The following NHS variants were observed in gnomAD, a reference collection of about 807,000 sequenced individuals.
NHS encodes NHS actin remodeling regulator, also known as actin remodeling regulator NHS.
A neutral mutation model predicts 72.5 loss-of-function variants in NHS; 5 were observed. That is an observed-to-expected ratio of 0.07 (90% CI 0.04 to 0.14). The LOEUF is 0.14. Among genes scored for constraint, NHS ranks in the 10% least tolerant of loss-of-function variants. The pLI is 1.00. For missense variants in NHS, 1,072 were observed against 1,355.7 expected, an observed-to-expected ratio of 0.79 and a Z score of 3.29; for synonymous variants, 464 against 547.7, an observed-to-expected ratio of 0.85 and a Z score of 2.13.
chrX:17,436,401 G>A (rs886283074), intron 1 of NHS, among the ~76,000 whole-genome samples: 2 of 110,532 alleles, frequency 1.8e-5, no homozygotes, highest in African/African-American at 6.6e-5. Context: ...GAGCTCTGTC[G>A]TCTCATGGGG....
intron 1 of NHS, among the ~76,000 whole-genome samples, chrX:17,380,294 A>T (rs1250981531): frequency 1.8e-5 from 2 of 110,666 alleles, no homozygotes; most frequent in African/African-American, 6.6e-5. Flanking sequence ...GTGCCATTTC[A>T]TTGGAGGGGT....
At chrX:17,536,087 G>T (rs2065221640) in intron 1 of NHS, among the ~76,000 whole-genome samples, 1 of 111,953 alleles carries the variant, frequency 8.9e-6, no homozygotes, top group African/African-American at 3.2e-5. Context: ...TGGGCGCAGT[G>T]GCTCACGCCT....
Position 17,727,869 on chromosome X carries a change from A to C in NHS, c.3763A>C (p.Thr1255Pro), listed in dbSNP as rs1223953904. 3.3e-6 allele frequency: 4 copies of C among 1,210,267 alleles called. No homozygotes were observed. The highest frequency in any genetic ancestry group is 3.0e-5 in the East Asian group (1 of 33,784). ...CACAAAAGACCAAGTGCGTACAGAG[A>C]CTGAGCCTATTCCAGAAAACACGCC... ...NVTKDQVRTE[T>P]EPIPENTPTK... The change falls in exon 7 of 9, where the codon ACT becomes CCT. Residue 1255 changes from threonine to proline, a missense_variant. By Grantham distance (38) the Thr-to-Pro change is conservative. Transcript: ENST00000676302.
At chrX:17,688,042 A>C in intron 2 of NHS, 148 bp downstream of exon 2, 1 of 586,532 alleles carries the variant, frequency 1.7e-6, no homozygotes, top group Non-Finnish European at 2.7e-6. Flanking sequence ...AATGAAATCC[A>C]TGGGTAATAT....
chrX:17,391,114 C>T (rs2064443293), intron 1 of NHS, among the ~76,000 whole-genome samples: 1 of 111,771 alleles, frequency 8.9e-6, no homozygotes, highest in Non-Finnish European at 1.9e-5. Flanking sequence ...TGCTGTCTTT[C>T]CAAGTTGCTT....
chrX:17,618,816 G>A (rs756877026), intron 1 of NHS, among the ~76,000 whole-genome samples: 1 of 111,997 alleles, frequency 8.9e-6, no homozygotes, highest in East Asian at 2.8e-4. Context: ...ACTAAAGTAA[G>A]CAGCATTAAC....
At chrX:17,680,347 T>C (rs1224295008) in intron 1 of NHS, among the ~76,000 whole-genome samples, 1 of 112,472 alleles carries the variant, frequency 8.9e-6, no homozygotes, top group Non-Finnish European at 1.9e-5. Flanking sequence ...CTGCCAAAAA[T>C]CAGCTCTGTG....
chrX:17,515,301 T>C (rs2065114088), intron 1 of NHS, among the ~76,000 whole-genome samples: 1 of 112,231 alleles, frequency 8.9e-6, no homozygotes, highest in South Asian at 3.7e-4. Context: ...GTTAGTGTGT[T>C]TAATACCATT....
chrX:17,451,254 G>T (rs1014302675), intron 1 of NHS, among the ~76,000 whole-genome samples: 1 of 111,711 alleles, frequency 9.0e-6, no homozygotes, highest in Non-Finnish European at 1.9e-5. Context: ...TTTGTTTCTA[G>T]TGCTGAGCTA....
chrX:17,654,471 C>T (rs997054316), intron 1 of NHS, among the ~76,000 whole-genome samples: 8 of 112,712 alleles, frequency 7.1e-5, no homozygotes, highest in African/African-American at 2.6e-4. Context: ...CTAGGTGATA[C>T]TTCATGTGAC....
intron 3 of NHS, among the ~76,000 whole-genome samples, chrX:17,696,343 C>T (rs1446303966): frequency 3.6e-5 from 4 of 111,768 alleles, no homozygotes; most frequent in Non-Finnish European, 7.5e-5. Context: ...AAAGGGTTCC[C>T]GGAGAGGTGT....
At chrX:17,467,038 A>G (rs969455677) in intron 1 of NHS, among the ~76,000 whole-genome samples, 1 of 111,625 alleles carries the variant, frequency 9.0e-6, no homozygotes, top group African/African-American at 3.3e-5. Context: ...AGGGCATAAG[A>G]GCTTAGCAGG....
At chrX:17,723,000 T>C (rs777415475) in intron 5 of NHS, among the ~76,000 whole-genome samples, 4 of 112,089 alleles carry the variant, frequency 3.6e-5, no homozygotes, top group African/African-American at 1.3e-4. Flanking sequence ...ACATTGTTAA[T>C]GATGTCCACA....
Position 17,726,428 on chromosome X carries a change from C to T in NHS, c.2322C>T (p.Ser774=), listed in dbSNP as rs1043928584. Residue 774 remains serine (S), a synonymous_variant, in exon 7 of 9, where the codon AGC becomes AGT. Coordinates refer to ENST00000676302, the MANE Select transcript of NHS (RefSeq NM_001291867.2). The stretch of plus-strand genomic sequence containing the variant: ...CTCCATCAGACAAAGCGGACACTAG[C>T]TCTCACTTTTCAGTAGACACGGAAG... The part of the protein sequence containing the change: ...EKSPSDKADT[S]SHFSVDTEGY... 5 of 1,212,007 alleles carry T rather than the reference C, an allele frequency of 4.1e-6. No individual in the cohort carries two copies. Among genetic ancestry groups the T allele is most frequent in the Middle Eastern group, 2.3e-4 (1 of 4,354 alleles).
At chrX:17,549,357 C>CGTTG (rs1400912373) in intron 1 of NHS, among the ~76,000 whole-genome samples, 1 of 110,356 alleles carries the variant, frequency 9.1e-6, no homozygotes, top group African/African-American at 3.3e-5. Context: ...TAACTGCCCC[C>CGTTG]GTTGTTCCTG....
chrX:17,418,127 A>G (rs2064605911), intron 1 of NHS, among the ~76,000 whole-genome samples: 2 of 112,105 alleles, frequency 1.8e-5, no homozygotes, highest in Non-Finnish European at 3.8e-5. Context: ...TCACTGCAGA[A>G]TATTTGGAAG....
chrX:17,408,030 G>A (rs1333288883), intron 1 of NHS, among the ~76,000 whole-genome samples: 1 of 111,106 alleles, frequency 9.0e-6, no homozygotes, highest in Non-Finnish European at 1.9e-5. Context: ...GTTGTTGTTG[G>A]AGACAGGGTC....
intron 1 of NHS, among the ~76,000 whole-genome samples, chrX:17,556,373 C>T (rs1257576815): frequency 8.8e-6 from 1 of 112,998 alleles, no homozygotes; most frequent in Non-Finnish European, 1.9e-5. Context: ...GCGAAGGCTG[C>T]ACAGACCACG....
chrX:17,616,578 G>A (rs981381309), intron 1 of NHS, among the ~76,000 whole-genome samples: 2 of 112,194 alleles, frequency 1.8e-5, no homozygotes, highest in African/African-American at 6.5e-5. Context: ...TTATTAATGC[G>A]ATGTTTCATA....
Sources: allele counts gnomAD v4.1 joint callset (sites outside exome capture counted in the v4.1 genomes callset), GRCh38; gene constraint gnomAD v4.1.1; transcripts MANE v1.5; gene names NCBI Gene and HGNC (gene_info 2026-07-23, HGNC 2026-07-21).